The following EPB41L4A variants were observed in gnomAD, a reference collection of about 807,000 sequenced individuals.
EPB41L4A encodes the protein band 4.1-like protein 4A.
Under a neutral mutation model 108.6 loss-of-function variants are expected in EPB41L4A, and 100 were observed. The ratio of observed to expected loss-of-function variants is 0.92; its 90% confidence interval spans 0.78 to 1.09. The LOEUF (loss-of-function observed/expected upper bound fraction) is 1.09. EPB41L4A is among the 50% of genes least tolerant of loss of function. The pLI, the probability that EPB41L4A is intolerant of heterozygous loss-of-function variation, is 0.00. For missense variants in EPB41L4A, 1,030 were observed against 842.7 expected (o/e 1.22, Z -2.75); for synonymous variants, 319 against 289.0 (o/e 1.10, Z -1.05).
chr5:112,310,900 T>C (rs1755006075), intron 1 of EPB41L4A, among the ~76,000 whole-genome samples: 1 of 152,174 alleles, frequency 6.6e-6, no homozygotes, highest in African/African-American at 2.4e-5. Context: ...TTAGGATTAA[T>C]TCACAGAGTA....
At chr5:112,393,242 G>A (rs951239954) in intron 1 of EPB41L4A, among the ~76,000 whole-genome samples, 1 of 152,112 alleles carries the variant, frequency 6.6e-6, no homozygotes, top group African/African-American at 2.4e-5. Flanking sequence ...ACTAAGATCA[G>A]AGCAGAACTG....
intron 18 of EPB41L4A, among the ~76,000 whole-genome samples, chr5:112,174,474 A>G (rs1760761257): frequency 1.3e-5 from 2 of 152,250 alleles, no homozygotes; most frequent in South Asian, 4.1e-4. Flanking sequence ...GTATTAGTCC[A>G]GTATTTTTCA....
intron 12 of EPB41L4A, among the ~76,000 whole-genome samples, chr5:112,148,720 G>A (rs1487965420): frequency 1.3e-5 from 2 of 152,000 alleles, no homozygotes; most frequent in African/African-American, 4.8e-5. Flanking sequence ...TTTCTATCGT[G>A]ATTTTTTCCA....
At chr5:112,182,629 C>T (rs1761214035) in intron 18 of EPB41L4A, among the ~76,000 whole-genome samples, 3 of 152,058 alleles carry the variant, frequency 2.0e-5, no homozygotes, top group African/African-American at 2.4e-5. Context: ...GTTGCCAAAC[C>T]TTGTGTATAA....
intron 12 of EPB41L4A, among the ~76,000 whole-genome samples, chr5:112,229,599 C>T (rs1400391107): frequency 1.3e-5 from 2 of 152,036 alleles, no homozygotes; most frequent in Non-Finnish European, 2.9e-5. Context: ...TCCATTATAT[C>T]ATTCTTATGC....
At chr5:112,261,885 ATTTTT>A (rs35793398) in intron 7 of EPB41L4A, among the ~76,000 whole-genome samples, 2 of 112,480 alleles carry the variant, frequency 1.8e-5, no homozygotes, top group Non-Finnish European at 3.5e-5. Context: ...TTACACACCA[ATTTTT>A]TTTTTTTTTT....
chr5:112,400,883 T>C (rs1000616804), intron 1 of EPB41L4A, among the ~76,000 whole-genome samples: 1 of 152,168 alleles, frequency 6.6e-6, no homozygotes, highest in African/African-American at 2.4e-5. Flanking sequence ...ATATCTTGAG[T>C]GCAAGTACTG....
At chr5:112,255,980 C>T (rs898890583) in intron 9 of EPB41L4A, among the ~76,000 whole-genome samples, 17 of 152,084 alleles carry the variant, frequency 1.1e-4, no homozygotes, top group African/African-American at 4.1e-4. Context: ...TTTAAGTGAC[C>T]AGGACTCCTC....
At chr5:112,293,552 A>G (rs1173015875) in intron 2 of EPB41L4A, among the ~76,000 whole-genome samples, 1 of 152,216 alleles carries the variant, frequency 6.6e-6, no homozygotes, top group Non-Finnish European at 1.5e-5. Flanking sequence ...GAGGGAAAGA[A>G]GGAAAAAAGA....
intron 11 of EPB41L4A, among the ~76,000 whole-genome samples, chr5:112,237,802 T>C (rs1414608990): frequency 6.6e-6 from 1 of 152,142 alleles, no homozygotes; most frequent in African/African-American, 2.4e-5. Flanking sequence ...TCGTCTTTCT[T>C]CCAAGGATGG....
intron 1 of EPB41L4A, among the ~76,000 whole-genome samples, chr5:112,326,845 A>G (rs1330418483): frequency 6.6e-6 from 1 of 152,196 alleles, no homozygotes; most frequent in Non-Finnish European, 1.5e-5. Flanking sequence ...AAATCTTCAT[A>G]GGCAGCAGAG....
At chr5:112,377,737 C>A (rs1428090737) in intron 1 of EPB41L4A, among the ~76,000 whole-genome samples, 1 of 152,132 alleles carries the variant, frequency 6.6e-6, no homozygotes, top group African/African-American at 2.4e-5. Flanking sequence ...TTCTCTTGCA[C>A]CTCTTCAGAG....
At chr5:112,338,554 G>A (rs1246124908) in intron 1 of EPB41L4A, among the ~76,000 whole-genome samples, 4 of 152,046 alleles carry the variant, frequency 2.6e-5, no homozygotes, top group Admixed American at 2.6e-4. Flanking sequence ...CCCACTGTCT[G>A]GAGATGGGGG....
chr5:112,371,630 A>G lies in EPB41L4A; in HGVS notation c.99+47311T>C, dbSNP rs17134413. On this transcript the variant is annotated intron_variant, in intron 1 of 22. Coordinates refer to ENST00000261486, the MANE Select transcript of EPB41L4A (RefSeq NM_022140.5). Reference sequence around the variant, plus strand: ...AGGACAAACAGTTTGACTTGTCCAAAGTGGCAAGACTGTCTGTGGCTCTTT... The same window carrying G: ...AGGACAAACAGTTTGACTTGTCCAAGGTGGCAAGACTGTCTGTGGCTCTTT... Among the ~76,000 whole-genome samples, 1,461 of 152,286 alleles carry G rather than the reference A, an allele frequency of 9.6e-3. 14 individuals are homozygous for G. The highest frequency in any genetic ancestry group is 0.034 in the African/African-American group (1,406 of 41,564).
intron 18 of EPB41L4A, among the ~76,000 whole-genome samples, chr5:112,174,377 A>C (rs1343292482): frequency 1.3e-5 from 2 of 152,120 alleles, no homozygotes; most frequent in Non-Finnish European, 2.9e-5. Context: ...TTTTACTTAA[A>C]CTCTCCAAAT....
Position 112,204,287 on chromosome 5 carries a change from C to T in EPB41L4A, c.1376+88G>A, listed in dbSNP as rs949150884. On this transcript the variant is annotated intron_variant, in intron 15 of 22. Coordinates refer to ENST00000261486, the MANE Select transcript of EPB41L4A (RefSeq NM_022140.5). ...TTATCTTGGAGAGAAACAGTAATGT[C>T]GGTATAAGAATCACCTATTATAAAG... is the stretch of plus-strand genomic sequence containing the variant. 4.6e-5 allele frequency: 35 copies of T among 761,828 alleles called. 1 individual carries two copies. In the Middle Eastern group the frequency reaches 9.6e-4, roughly 21 times the overall value. The allele number at this position is 761,828 out of a possible 1,614,324, so 47.2% of individuals were successfully genotyped here. A position where few individuals can be genotyped will look rare whatever the true frequency, so the allele number is the denominator to read the frequency against.
chr5:112,261,121 C>T (rs1445344153), intron 7 of EPB41L4A, among the ~76,000 whole-genome samples: 1 of 152,146 alleles, frequency 6.6e-6, no homozygotes, highest in Non-Finnish European at 1.5e-5. Context: ...AATGATTCTA[C>T]AGTTTTAGCA....
chr5:112,346,556 G>A (rs1486973503), intron 1 of EPB41L4A, among the ~76,000 whole-genome samples: 2 of 152,012 alleles, frequency 1.3e-5, no homozygotes, highest in Admixed American at 6.6e-5. Flanking sequence ...AACCAAAAGT[G>A]AAAGAACTAA....
chr5:112,159,524 C>T (rs921366135), downstream of EPB41L4A, among the ~76,000 whole-genome samples: 1 of 152,226 alleles, frequency 6.6e-6, no homozygotes, highest in South Asian at 2.1e-4. Context: ...AATCCCAACA[C>T]CTTGCCCTGT....
Sources: gnomAD v4.1 joint callset for allele counts (sites outside exome capture counted in the v4.1 genomes callset) on GRCh38, gnomAD v4.1.1 for gene constraint, MANE v1.5 for transcripts, NCBI Gene and HGNC (gene_info 2026-07-23, HGNC 2026-07-21) for gene names.